LINGO2: variants seen among roughly 807,000 people sequenced by gnomAD.
The protein encoded by LINGO2 is leucine-rich repeat and immunoglobulin-like domain-containing nogo receptor-interacting protein 2.
LINGO2 carries 14 observed loss-of-function variants against 30.6 expected under a neutral mutation model. That is an observed-to-expected ratio of 0.46 (90% CI 0.30 to 0.72). The LOEUF is 0.72. LINGO2 is among the 30% of genes least tolerant of loss of function. The pLI, the probability that LINGO2 is intolerant of heterozygous loss-of-function variation, is 0.07. For missense variants in LINGO2, 729 were observed against 751.7 expected, an observed-to-expected ratio of 0.97 and a Z score of 0.35; for synonymous variants, 317 against 288.5, an observed-to-expected ratio of 1.10 and a Z score of -1.00.
intron 2 of LINGO2, among the ~76,000 whole-genome samples, chr9:28,414,331 T>G (rs1017629671): frequency 9.9e-5 from 15 of 152,142 alleles, no homozygotes; most frequent in Admixed American, 3.3e-4. Context: ...AGGCTATTGA[T>G]GAGCTGAGAA....
At chr9:28,279,740 T>G (rs1459525673) in intron 4 of LINGO2, among the ~76,000 whole-genome samples, 2 of 152,066 alleles carry the variant, frequency 1.3e-5, no homozygotes, top group Non-Finnish European at 2.9e-5. Flanking sequence ...CAAGGTATGT[T>G]TGTATTGTAT....
At chr9:29,085,085 A>T in the LINGO2 span, among the ~76,000 whole-genome samples, 1 of 151,894 alleles carries the variant, frequency 6.6e-6, no homozygotes, top group East Asian at 1.9e-4. Flanking sequence ...AATTTATTGT[A>T]ACAACATTTC....
At chr9:28,638,941 T>G (rs1002571601) in intron 1 of LINGO2, among the ~76,000 whole-genome samples, 1 of 152,186 alleles carries the variant, frequency 6.6e-6, no homozygotes, top group Non-Finnish European at 1.5e-5. Context: ...TTTCCTGCTT[T>G]CTCTTGTGGG....
At chr9:29,104,650 T>G in the LINGO2 span, among the ~76,000 whole-genome samples, 29 of 152,272 alleles carry the variant, frequency 1.9e-4, no homozygotes, top group South Asian at 5.8e-3. Context: ...GGGTCAAAAT[T>G]CATAGCAAAC....
the LINGO2 span, among the ~76,000 whole-genome samples, chr9:28,860,903 G>A: frequency 1.4e-5 from 2 of 141,256 alleles, no homozygotes; most frequent in Non-Finnish European, 3.0e-5. Flanking sequence ...AGTTAAATAA[G>A]ACTTAAGCTC....
intron 1 of LINGO2, among the ~76,000 whole-genome samples, chr9:28,643,679 C>T (rs1827707290): frequency 1.3e-5 from 2 of 151,794 alleles, no homozygotes; most frequent in East Asian, 3.9e-4. Flanking sequence ...AATAACTGGA[C>T]AAATGGGATC....
At chr9:29,018,739 C>T in the LINGO2 span, among the ~76,000 whole-genome samples, 1 of 152,042 alleles carries the variant, frequency 6.6e-6, no homozygotes, top group Non-Finnish European at 1.5e-5. Context: ...TCTCTTATTA[C>T]TTAGATCTGA....
chr9:29,149,524 G>T, the LINGO2 span, among the ~76,000 whole-genome samples: 1 of 152,060 alleles, frequency 6.6e-6, no homozygotes, highest in East Asian at 1.9e-4. Flanking sequence ...CACCGAGAAT[G>T]ACGAGGGAGA....
intron 3 of LINGO2, among the ~76,000 whole-genome samples, chr9:28,359,981 A>G (rs3842979): frequency 0.45 from 68,585 of 151,938 alleles, 16,454 homozygotes; most frequent in East Asian, 0.63. Flanking sequence ...CTACTCATGT[A>G]GATTGAGGTT....
At chr9:28,439,293 CAT>C (rs560032402) in intron 2 of LINGO2, among the ~76,000 whole-genome samples, 2 of 149,664 alleles carry the variant, frequency 1.3e-5, no homozygotes, top group African/African-American at 2.5e-5. Flanking sequence ...GTGTGTGTTT[CAT>C]ATATATATAT....
chr9:29,195,573 T>C, the LINGO2 span, among the ~76,000 whole-genome samples: 8 of 152,140 alleles, frequency 5.3e-5, no homozygotes, highest in African/African-American at 1.9e-4. Flanking sequence ...AACAGTGTAT[T>C]ATGTTTCCCT....
At chr9:28,065,981 G>C (rs1164370242) in intron 4 of LINGO2, among the ~76,000 whole-genome samples, 1 of 151,964 alleles carries the variant, frequency 6.6e-6, no homozygotes, top group Non-Finnish European at 1.5e-5. Flanking sequence ...TCTGTAGCTT[G>C]ACAACCTCCC....
chr9:28,369,053 C>T (rs1287257318), intron 3 of LINGO2, among the ~76,000 whole-genome samples: 3 of 152,072 alleles, frequency 2.0e-5, no homozygotes, highest in African/African-American at 7.2e-5. Context: ...ATCTGGGAGC[C>T]CAATTCTTCC....
chr9:28,936,719 C>A, the LINGO2 span, among the ~76,000 whole-genome samples: 2 of 152,180 alleles, frequency 1.3e-5, no homozygotes, highest in South Asian at 4.1e-4. Flanking sequence ...AAAATATTAT[C>A]TGATATATGG....
chr9:27,945,427 T>C (rs1823327559), downstream of LINGO2, among the ~76,000 whole-genome samples: 1 of 152,166 alleles, frequency 6.6e-6, no homozygotes, highest in Non-Finnish European at 1.5e-5. Flanking sequence ...TCCTAAATAC[T>C]GTAGGGCAAC....
the LINGO2 span, among the ~76,000 whole-genome samples, chr9:28,884,969 AT>A: frequency 1.8e-4 from 3 of 16,962 alleles, no homozygotes; most frequent in Non-Finnish European, 3.8e-4. Context: ...TTTTATATAT[AT>A]AATATATATA....
the LINGO2 span, among the ~76,000 whole-genome samples, chr9:29,170,849 G>A: frequency 6.6e-6 from 1 of 152,004 alleles, no homozygotes; most frequent in African/African-American, 2.4e-5. Context: ...AAATAAATAT[G>A]ACACTTTTTT....
rs577931890 is a variant in LINGO2 at position 28,162,455 on chromosome 9, C to T, written c.-87+132753G>A. ...TTCAGATTTGCACTAGATCAGTCAA[C>T]TAGAGCTAAGGAGGCAGAGATGTGA... On this transcript the variant is annotated intron_variant, in intron 4 of 5. Transcript: ENST00000379992. Among the ~76,000 whole-genome samples, 30 of 152,180 alleles carry T rather than the reference C, an allele frequency of 2.0e-4. No individual in the cohort carries two copies. The South Asian group carries it at 5.6e-3, about 28-fold the overall frequency.
the LINGO2 span, among the ~76,000 whole-genome samples, chr9:28,850,940 CTTG>C: frequency 2.6e-5 from 4 of 151,964 alleles, no homozygotes; most frequent in Admixed American, 1.3e-4. Context: ...TCTCAAAGCA[CTTG>C]TTGTACTAAA....
Sources: gnomAD v4.1 joint callset for allele counts (sites outside exome capture counted in the v4.1 genomes callset) on GRCh38, gnomAD v4.1.1 for gene constraint, MANE v1.5 for transcripts, NCBI Gene and HGNC (gene_info 2026-07-23, HGNC 2026-07-21) for gene names.